The following CNTNAP2 variants were observed in gnomAD, a reference collection of about 807,000 sequenced individuals.
CNTNAP2 encodes contactin-associated protein-like 2.
Under a neutral mutation model 155.2 loss-of-function variants are expected in CNTNAP2, and 98 were observed. The ratio of observed to expected loss-of-function variants is 0.63; its 90% CI spans 0.54 to 0.75. The LOEUF (loss-of-function observed/expected upper bound fraction) is 0.75. CNTNAP2 is among the 30% of genes least tolerant of loss of function. The probability of loss-of-function intolerance (pLI) is 0.00; values close to 1 mark genes in which losing one functional copy is unlikely to be tolerated. For synonymous variants in CNTNAP2, 651 were observed against 631.2 expected (o/e 1.03, Z -0.47); for missense variants, 1,727 against 1,688.1 (o/e 1.02, Z -0.40).
chr7:148,140,224 C>T (rs1197773758), intron 16 of CNTNAP2, among the ~76,000 whole-genome samples: 1 of 152,036 alleles, frequency 6.6e-6, no homozygotes, highest in African/African-American at 2.4e-5. Context: ...TGGGGTATTG[C>T]CAATGAGGGA....
At chr7:146,781,868 G>A (rs141859724) in intron 2 of CNTNAP2, among the ~76,000 whole-genome samples, 1,680 of 152,172 alleles carry the variant, frequency 0.011, 108 homozygotes, top group Admixed American at 0.099. Context: ...AACTGGGAAC[G>A]GAACCACAGC....
intron 11 of CNTNAP2, among the ~76,000 whole-genome samples, chr7:147,493,796 A>G (rs1798648993): frequency 6.6e-6 from 1 of 152,186 alleles, no homozygotes; most frequent in African/African-American, 2.4e-5. Flanking sequence ...ACTTTGTCAC[A>G]AATTATTTGT....
rs191863089 is a variant in CNTNAP2, at chr7:147,154,366, C to A, written c.1348+21857C>A. 2.2e-3 allele frequency among the ~76,000 whole-genome samples: 337 copies of A among 152,214 alleles called. 5 individuals carry two copies. Among genetic ancestry groups the A allele is most frequent in the Admixed American group, 0.019 (292 of 15,286 alleles). On this transcript the variant is annotated intron_variant, in intron 8 of 23. Coordinates refer to ENST00000361727, the MANE Select transcript of CNTNAP2 (RefSeq NM_014141.6). Reference sequence around the variant, plus strand: ...TCAGTTAAAGAGAGTGTATGTTTGACAATGGAATGATCCAATAGGTTATAC... The same window carrying A: ...TCAGTTAAAGAGAGTGTATGTTTGAAAATGGAATGATCCAATAGGTTATAC...
At chr7:146,724,322 AT>A (rs1028797939) in intron 1 of CNTNAP2, among the ~76,000 whole-genome samples, 1 of 150,588 alleles carries the variant, frequency 6.6e-6, no homozygotes, top group Non-Finnish European at 1.5e-5. Flanking sequence ...GTTCGTTTTT[AT>A]TTTTTTTTCC....
intron 1 of CNTNAP2, among the ~76,000 whole-genome samples, chr7:146,602,028 TA>T (rs1489842148): frequency 6.6e-6 from 1 of 152,126 alleles, no homozygotes; most frequent in Non-Finnish European, 1.5e-5. Context: ...AACTTGTAGG[TA>T]AAGACAAATG....
intron 15 of CNTNAP2, among the ~76,000 whole-genome samples, chr7:148,081,771 A>G (rs1803609345): frequency 6.6e-6 from 1 of 152,104 alleles, no homozygotes; most frequent in African/African-American, 2.4e-5. Context: ...CAGGAAACTG[A>G]GGCCTGAGGG....
chr7:147,740,892 G>T (rs1161228267), intron 13 of CNTNAP2, among the ~76,000 whole-genome samples: 1 of 152,152 alleles, frequency 6.6e-6, no homozygotes, highest in Non-Finnish European at 1.5e-5. Flanking sequence ...AAGTCCTCAA[G>T]CTCAGGGCGT....
intron 11 of CNTNAP2, among the ~76,000 whole-genome samples, chr7:147,528,184 T>A (rs956171838): frequency 2.7e-5 from 4 of 147,640 alleles, no homozygotes; most frequent in Admixed American, 1.3e-4. Flanking sequence ...GGAAGCTGTT[T>A]ACTCTAAATA....
At chr7:147,073,704 G>C (rs1799942062) in intron 4 of CNTNAP2, among the ~76,000 whole-genome samples, 1 of 152,178 alleles carries the variant, frequency 6.6e-6, no homozygotes, top group Admixed American at 6.5e-5. Context: ...AAGAAAGCAT[G>C]CCAGGAAGAC....
rs149017963 is a variant in CNTNAP2 at position 147,592,437 on chromosome 7, A to G, written c.1897+30180A>G. Reference sequence around the variant, plus strand: ...ATAGCAAATTAATACACCAATAATTACTAAAAATAATACACTAATAATTAA... The same window carrying G: ...ATAGCAAATTAATACACCAATAATTGCTAAAAATAATACACTAATAATTAA... On this transcript the variant is annotated intron_variant, in intron 12 of 23. Coordinates refer to ENST00000361727, the MANE Select transcript of CNTNAP2 (RefSeq NM_014141.6). Among the ~76,000 whole-genome samples the G allele has an allele frequency of 1.8e-3, 277 of 151,378 alleles. 1 individual carries two copies. The highest frequency in any genetic ancestry group is 6.4e-3 in the African/African-American group (263 of 41,404).
At chr7:146,260,132 G>A (rs530919907) in intron 1 of CNTNAP2, among the ~76,000 whole-genome samples, 4 of 152,348 alleles carry the variant, frequency 2.6e-5, no homozygotes, top group Admixed American at 6.5e-5. Flanking sequence ...GCTTCCACAT[G>A]TGTTGGGCCT....
At chr7:148,187,615 A>T (rs1427647017) in intron 18 of CNTNAP2, among the ~76,000 whole-genome samples, 1 of 152,162 alleles carries the variant, frequency 6.6e-6, no homozygotes, top group Non-Finnish European at 1.5e-5. Context: ...GGTGGATGCA[A>T]TTGGTCAGCT....
chr7:148,168,568 G>A (rs1038735609), intron 17 of CNTNAP2, among the ~76,000 whole-genome samples: 1 of 125,698 alleles, frequency 8.0e-6, no homozygotes, highest in Non-Finnish European at 1.7e-5. Flanking sequence ...GTTGTGGGGT[G>A]GGGGGAGGGG....
chr7:147,783,883 C>T (rs1584953014), intron 13 of CNTNAP2, among the ~76,000 whole-genome samples: 1 of 152,122 alleles, frequency 6.6e-6, no homozygotes, highest in Admixed American at 6.5e-5. Context: ...TCCCAGCCTC[C>T]AAAACTGTAA....
chr7:147,661,564 T>A (rs2116953594), intron 13 of CNTNAP2, among the ~76,000 whole-genome samples: 1 of 151,970 alleles, frequency 6.6e-6, no homozygotes, highest in Non-Finnish European at 1.5e-5. Flanking sequence ...TCTTTTTTTT[T>A]TTTTTTTAGA....
At chr7:148,230,700 G>A (rs765261025) in intron 20 of CNTNAP2, among the ~76,000 whole-genome samples, 7 of 152,322 alleles carry the variant, frequency 4.6e-5, no homozygotes, top group Non-Finnish European at 7.4e-5. Flanking sequence ...TGGAGTTTGC[G>A]CGTGGCCTTT....
intron 19 of CNTNAP2, among the ~76,000 whole-genome samples, chr7:148,226,290 A>G (rs1795846792): frequency 6.6e-6 from 1 of 152,096 alleles, no homozygotes; most frequent in Non-Finnish European, 1.5e-5. Context: ...CATACACCTT[A>G]TTCAAAGGTC....
At chr7:146,443,016 C>T (rs1272582647) in intron 1 of CNTNAP2, among the ~76,000 whole-genome samples, 1 of 151,668 alleles carries the variant, frequency 6.6e-6, no homozygotes, top group Non-Finnish European at 1.5e-5. Context: ...ACAATCCTGG[C>T]TAGCACAGTG....
chr7:146,331,261 G>A (rs1202916821), intron 1 of CNTNAP2, among the ~76,000 whole-genome samples: 1 of 143,856 alleles, frequency 7.0e-6, no homozygotes, highest in African/African-American at 2.6e-5. Flanking sequence ...CCGAGATCGC[G>A]CCACTGCACT....
Sources: gnomAD v4.1 joint callset for allele counts (sites outside exome capture counted in the v4.1 genomes callset) on GRCh38, gnomAD v4.1.1 for gene constraint, MANE v1.5 for transcripts, NCBI Gene and HGNC (gene_info 2026-07-23, HGNC 2026-07-21) for gene names.